The following RANBP10 variants were observed in gnomAD, a reference collection of about 807,000 sequenced individuals.
RANBP10 encodes RAN binding protein 10, also known as ran-binding protein 10.
Under a neutral mutation model 72.8 loss-of-function variants are expected in RANBP10, and 24 were observed. The ratio of observed to expected loss-of-function variants is 0.33; its 90% CI spans 0.24 to 0.46. The LOEUF (loss-of-function observed/expected upper bound fraction) is 0.46, where lower values mean the gene tolerates loss of function less well. Among genes scored for constraint, RANBP10 ranks in the 20% least tolerant of loss-of-function variants. The pLI is 1.00. For synonymous variants in RANBP10, 310 were observed against 322.3 expected (o/e 0.96, Z 0.41); for missense variants, 679 against 817.5 (o/e 0.83, Z 2.07).
Position 67,772,045 on chromosome 16 carries a change from T to C in RANBP10, c.389A>G (p.Asn130Ser). Residue 130 changes from asparagine (N) to serine (S), a missense_variant, in exon 3 of 14, where the codon AAC becomes AGC. By Grantham distance (46) the Asn-to-Ser change is conservative. Coordinates refer to ENST00000317506, the MANE Select transcript of RANBP10 (RefSeq NM_020850.3). Reference sequence around the variant, plus strand: ...AAACAGTGACTCACCAGGAAGTCTGTTCATGTTGACGCCTTGAGCCGAGAG... The same window carrying C: ...AAACAGTGACTCACCAGGAAGTCTGCTCATGTTGACGCCTTGAGCCGAGAG... The part of the protein sequence containing the change: ...IGLSAQGVNM[N>S]RLPGWDKHSY... 1 of 1,609,888 alleles carries C rather than the reference T, an allele frequency of 6.2e-7. No individual in the cohort carries two copies.
At chr16:67,774,235 A>G (rs1206789523) in intron 2 of RANBP10, among the ~76,000 whole-genome samples, 1 of 152,210 alleles carries the variant, frequency 6.6e-6, no homozygotes. Flanking sequence ...GCCCAACACC[A>G]CATGTCATCC....
At chr16:67,775,873 C>T (rs1032731951) in intron 2 of RANBP10, among the ~76,000 whole-genome samples, 6 of 151,024 alleles carry the variant, frequency 4.0e-5, no homozygotes, top group Admixed American at 1.3e-4. Context: ...TTGCCGGGCG[C>T]GGTGGCTCAC....
chr16:67,802,808 T>TA (rs745357967), intron 2 of RANBP10, among the ~76,000 whole-genome samples: 3 of 152,162 alleles, frequency 2.0e-5, no homozygotes, highest in Non-Finnish European at 4.4e-5. Flanking sequence ...ACTGAAATGT[T>TA]AAAACCAGTT....
At chr16:67,727,272 T>C in intron 13 of RANBP10, 55 bp downstream of exon 13, 1 of 1,497,586 alleles carries the variant, frequency 6.7e-7, no homozygotes, top group Non-Finnish European at 9.1e-7. Context: ...GCACTCCAGC[T>C]TGGGCTACAG....
chr16:67,778,137 G>T (rs1016617103), intron 2 of RANBP10, among the ~76,000 whole-genome samples: 2 of 152,142 alleles, frequency 1.3e-5, no homozygotes, highest in Non-Finnish European at 2.9e-5. Flanking sequence ...ATCACCTGAG[G>T]TCGGGAGTTC....
chr16:67,761,389 C>T lies in RANBP10; in HGVS notation c.400+10645G>A, dbSNP rs147852494. ...GTCCTTGCTGAGCCAGTGCAACCTA[C>T]AAGAAAACACTCAAAACATCAACAT... On this transcript the variant is annotated intron_variant, in intron 3 of 13. Coordinates refer to ENST00000317506, the MANE Select transcript of RANBP10 (RefSeq NM_020850.3). 7.2e-3 allele frequency among the ~76,000 whole-genome samples: 1,092 copies of T among 152,260 alleles called. 15 individuals are homozygous for T. Among genetic ancestry groups the T allele is most frequent in the African/African-American group, 0.025 (1,045 of 41,528 alleles).
chr16:67,797,089 C>T (rs1248491655), intron 2 of RANBP10, among the ~76,000 whole-genome samples: 2 of 152,142 alleles, frequency 1.3e-5, no homozygotes, highest in South Asian at 2.1e-4. Flanking sequence ...CATGGGGCTG[C>T]TAGGTTCATC....
At chr16:67,766,955 G>A (rs1249189106) in intron 3 of RANBP10, among the ~76,000 whole-genome samples, 2 of 152,190 alleles carry the variant, frequency 1.3e-5, no homozygotes, top group African/African-American at 2.4e-5. Context: ...ATCAGATATG[G>A]CAGGAAGGAA....
chr16:67,805,340 A>T, intron 2 of RANBP10, 88 bp downstream of exon 2: 1 of 1,192,686 alleles, frequency 8.4e-7, no homozygotes, highest in Non-Finnish European at 1.2e-6. Context: ...AGCTCACATC[A>T]GCAACAAGTG....
At chr16:67,801,052 C>T (rs970495625) in intron 2 of RANBP10, among the ~76,000 whole-genome samples, 1 of 152,150 alleles carries the variant, frequency 6.6e-6, no homozygotes, top group Non-Finnish European at 1.5e-5. Flanking sequence ...GAAATCTTGA[C>T]ATGAAACTTT....
At chr16:67,798,822 CTTCTT>C (rs2055179242) in intron 2 of RANBP10, among the ~76,000 whole-genome samples, 3 of 152,360 alleles carry the variant, frequency 2.0e-5, no homozygotes, top group Admixed American at 1.3e-4. Flanking sequence ...GGCAGAGTCT[CTTCTT>C]TTCTTCACTC....
chr16:67,787,100 G>A (rs139940626), intron 2 of RANBP10, among the ~76,000 whole-genome samples: 7,118 of 152,106 alleles, frequency 0.047, 468 homozygotes, highest in African/African-American at 0.15. Flanking sequence ...TTAGCCAGGC[G>A]TGGTGGCACA....
intron 2 of RANBP10, among the ~76,000 whole-genome samples, chr16:67,788,260 T>C (rs2054953520): frequency 6.6e-6 from 1 of 150,748 alleles, no homozygotes; most frequent in Admixed American, 6.6e-5. Context: ...CTACAAATTT[T>C]TTTTTCTTTT....
chr16:67,800,876 C>T (rs2055223875), intron 2 of RANBP10, among the ~76,000 whole-genome samples: 1 of 152,212 alleles, frequency 6.6e-6, no homozygotes, highest in African/African-American at 2.4e-5. Context: ...TTCCTCCCAA[C>T]TGTTCCCAGG....
Position 67,729,138 on chromosome 16 carries a change from C to T in RANBP10, c.1352+142G>A, listed in dbSNP as rs1022220712. On this transcript the variant is annotated intron_variant, in intron 10 of 13. Coordinates refer to ENST00000317506, the MANE Select transcript of RANBP10 (RefSeq NM_020850.3). The surrounding 1 kb of genome is among the most constrained non-coding windows in gnomAD (Gnocchi z 7.1). ...CAGAAGCCAGAGCTGATGTCTGGCC[C>T]GGTGGGCCAAAAATTAGGACTCCAG... 27 of 1,455,290 alleles carry T rather than the reference C, an allele frequency of 1.9e-5. No homozygotes were observed. The highest frequency in any genetic ancestry group is 2.3e-5 in the Non-Finnish European group (25 of 1,084,642). The allele number at this position is 1,455,290 out of a possible 1,614,324, so 90.1% of individuals were successfully genotyped here.
At chr16:67,727,196 G>C in intron 13 of RANBP10, 131 bp downstream of exon 13, 1 of 795,122 alleles carries the variant, frequency 1.3e-6, no homozygotes, top group Non-Finnish European at 2.0e-6. Flanking sequence ...AGGAGGCTGA[G>C]GCACGAAAAT....
chr16:67,793,904 G>A (rs2055077749), intron 2 of RANBP10, among the ~76,000 whole-genome samples: 1 of 150,708 alleles, frequency 6.6e-6, no homozygotes, highest in African/African-American at 2.4e-5. Flanking sequence ...TTTTTGAGAC[G>A]AGTCTCACTC....
chr16:67,773,199 T>G (rs2054638726), intron 2 of RANBP10, among the ~76,000 whole-genome samples: 1 of 152,148 alleles, frequency 6.6e-6, no homozygotes, highest in Non-Finnish European at 1.5e-5. Context: ...ATGAACGAGT[T>G]CTTGCTCTAT....
chr16:67,780,237 C>A (rs2054785452), intron 2 of RANBP10, among the ~76,000 whole-genome samples: 1 of 151,316 alleles, frequency 6.6e-6, no homozygotes, highest in Admixed American at 6.6e-5. Flanking sequence ...TCTCAAAAAA[C>A]AAACAAACAA....
Sources: allele counts gnomAD v4.1 joint callset (sites outside exome capture counted in the v4.1 genomes callset), GRCh38; gene constraint gnomAD v4.1.1; non-coding constraint Gnocchi (gnomAD v3.1); transcripts MANE v1.5; gene names NCBI Gene and HGNC (gene_info 2026-07-23, HGNC 2026-07-21).